Variants in SUGCT observed in about 807,000 individuals in gnomAD.
SUGCT encodes succinyl-CoA:glutarate-CoA transferase.
Under a neutral mutation model 55.0 loss-of-function variants are expected in SUGCT, and 41 were observed. The observed-to-expected ratio is 0.74, with a 90% CI of 0.58 to 0.97. The LOEUF (loss-of-function observed/expected upper bound fraction) is 0.97, where lower values mean the gene tolerates loss of function less well. Ranked by LOEUF, SUGCT falls within the 50% of genes least tolerant of loss-of-function variation. The probability of loss-of-function intolerance (pLI) is 0.00; values close to 1 mark genes in which losing one functional copy is unlikely to be tolerated. For synonymous variants in SUGCT, 187 were observed against 200.4 expected (o/e 0.93, Z 0.56); for missense variants, 568 against 547.8 (o/e 1.04, Z -0.37).
intron 13 of SUGCT, among the ~76,000 whole-genome samples, chr7:40,844,188 T>C (rs1793438175): frequency 6.6e-6 from 1 of 152,116 alleles, no homozygotes; most frequent in Admixed American, 6.5e-5. Flanking sequence ...AAGGCATGTG[T>C]TACAATCAGT....
chr7:40,987,302 G>A, the SUGCT span, among the ~76,000 whole-genome samples: 2 of 152,174 alleles, frequency 1.3e-5, no homozygotes, highest in African/African-American at 4.8e-5. Context: ...AGGCTGGTGG[G>A]GTGGAGGAGA....
intron 1 of SUGCT, chr7:40,153,947 G>GT (rs1288142620): frequency 2.9e-6 from 1 of 348,736 alleles, no homozygotes; most frequent in African/African-American, 2.1e-5. Flanking sequence ...AGTTGCGTCT[G>GT]TGTACACCTA....
chr7:40,580,495 A>G lies in SUGCT; in HGVS notation c.1089+84109A>G, dbSNP rs80350021. Reference sequence around the variant, plus strand: ...TCTTTTGAATTGCTTTCATTTTATCACACATATTTAACATTGCATCTCCCA... The same window carrying G: ...TCTTTTGAATTGCTTTCATTTTATCGCACATATTTAACATTGCATCTCCCA... On this transcript the variant is annotated intron_variant, in intron 12 of 13. Transcript: ENST00000335693. Among the ~76,000 whole-genome samples, 1,371 of 152,254 alleles carry G rather than the reference A, an allele frequency of 9.0e-3. 8 individuals are homozygous for G. The highest frequency in any genetic ancestry group is 0.013 in the Non-Finnish European group (867 of 68,018).
At chr7:41,024,871 G>A in the SUGCT span, among the ~76,000 whole-genome samples, 66 of 152,206 alleles carry the variant, frequency 4.3e-4, no homozygotes, top group African/African-American at 1.5e-3. Context: ...TACTCTAATC[G>A]TCACTGCACA....
chr7:40,687,661 G>A (rs897248080), intron 12 of SUGCT, among the ~76,000 whole-genome samples: 1 of 152,122 alleles, frequency 6.6e-6, no homozygotes, highest in Non-Finnish European at 1.5e-5. Context: ...ACACCATACC[G>A]TTATAGCCCC....
the SUGCT span, among the ~76,000 whole-genome samples, chr7:40,880,094 C>T: frequency 6.6e-6 from 1 of 152,306 alleles, no homozygotes; most frequent in African/African-American, 2.4e-5. Context: ...CAGCTCACTG[C>T]ACATTCTTTT....
chr7:40,735,220 T>C (rs181477451), intron 12 of SUGCT, among the ~76,000 whole-genome samples: 1 of 152,316 alleles, frequency 6.6e-6, no homozygotes, highest in East Asian at 1.9e-4. Context: ...CCAAGAAGGA[T>C]AGAATTAAAG....
chr7:40,418,498 C>A (rs1787129643), intron 9 of SUGCT, among the ~76,000 whole-genome samples: 1 of 152,150 alleles, frequency 6.6e-6, no homozygotes, highest in South Asian at 2.1e-4. Context: ...CTTTCCTTTT[C>A]CCAATACCAA....
chr7:40,820,424 G>A (rs980444176), intron 13 of SUGCT, among the ~76,000 whole-genome samples: 1 of 152,048 alleles, frequency 6.6e-6, no homozygotes, highest in East Asian at 1.9e-4. Context: ...ATTTGTTTGT[G>A]TCCTCTTTTA....
intron 3 of SUGCT, among the ~76,000 whole-genome samples, chr7:40,184,704 G>A (rs1018360967): frequency 9.2e-5 from 14 of 152,000 alleles, no homozygotes. Flanking sequence ...CTGATCCTAC[G>A]GGTCTTAAAC....
At chr7:40,193,280 G>GTTTTTTT (rs752659107) in intron 5 of SUGCT, among the ~76,000 whole-genome samples, 22 of 87,164 alleles carry the variant, frequency 2.5e-4, no homozygotes, top group East Asian at 1.5e-3. Context: ...CAATTACTGT[G>GTTTTTTT]TTTTTTTTTT....
At chr7:41,001,952 T>C in the SUGCT span, among the ~76,000 whole-genome samples, 5 of 152,184 alleles carry the variant, frequency 3.3e-5, no homozygotes, top group African/African-American at 1.2e-4. Flanking sequence ...AGCCAAGTCT[T>C]TGAAAAGACA....
At chr7:40,410,635 C>G (rs567576702) in intron 9 of SUGCT, among the ~76,000 whole-genome samples, 7 of 152,180 alleles carry the variant, frequency 4.6e-5, no homozygotes, top group Middle Eastern at 6.8e-3. Flanking sequence ...TCTTACCTAA[C>G]TTCTTTGTGG....
chr7:40,948,825 G>A, the SUGCT span, among the ~76,000 whole-genome samples: 1 of 152,214 alleles, frequency 6.6e-6, no homozygotes, highest in Non-Finnish European at 1.5e-5. Flanking sequence ...TGGTGTATAT[G>A]TGCCACATTT....
At chr7:40,605,327 G>A (rs560509427) in intron 12 of SUGCT, among the ~76,000 whole-genome samples, 1 of 152,132 alleles carries the variant, frequency 6.6e-6, no homozygotes, top group Non-Finnish European at 1.5e-5. Context: ...CAAAGTGTAC[G>A]TCTTTATGTT....
chr7:40,316,018 T>C (rs1036010744), intron 8 of SUGCT, among the ~76,000 whole-genome samples: 4 of 152,190 alleles, frequency 2.6e-5, no homozygotes, highest in African/African-American at 9.7e-5. Flanking sequence ...CATGAAATAC[T>C]ACAGTAGTCA....
At chr7:40,407,435 G>A (rs974577836) in intron 9 of SUGCT, among the ~76,000 whole-genome samples, 24 of 151,478 alleles carry the variant, frequency 1.6e-4, no homozygotes, top group African/African-American at 5.6e-4. Flanking sequence ...TAAAGTTGAT[G>A]AAAATATAAA....
At chr7:40,576,555 G>A (rs1269456098) in intron 12 of SUGCT, among the ~76,000 whole-genome samples, 2 of 152,210 alleles carry the variant, frequency 1.3e-5, no homozygotes, top group Non-Finnish European at 2.9e-5. Context: ...GTGAAAGTTA[G>A]TACAAGGGCA....
the SUGCT span, among the ~76,000 whole-genome samples, chr7:40,960,255 ACTC>A: frequency 6.6e-6 from 1 of 151,288 alleles, no homozygotes; most frequent in Non-Finnish European, 1.5e-5. Context: ...TCATTTGCAC[ACTC>A]TCCTTCAAAA....
Sources: gnomAD v4.1 joint callset for allele counts (sites outside exome capture counted in the v4.1 genomes callset) on GRCh38, gnomAD v4.1.1 for gene constraint, MANE v1.5 for transcripts, NCBI Gene and HGNC (gene_info 2026-07-23, HGNC 2026-07-21) for gene names.